The following KRT77 variants were observed in gnomAD, a reference collection of about 807,000 sequenced individuals.
KRT77 encodes the protein keratin 77.
In KRT77, 44 loss-of-function variants were observed where a neutral mutation model predicts 51.5. The ratio of observed to expected loss-of-function variants is 0.85; its 90% confidence interval spans 0.67 to 1.10. The LOEUF is 1.10. Among genes scored for constraint, KRT77 ranks in the 50% least tolerant of loss-of-function variants. KRT77 has a pLI of 0.00. For missense variants in KRT77, 763 were observed against 743.9 expected (o/e 1.03, Z -0.30); for synonymous variants, 293 against 302.0 (o/e 0.97, Z 0.31).
Position 52,701,688 on chromosome 12 carries a change from C to T in KRT77, c.543+1204G>A, listed in dbSNP as rs549404181. The stretch of plus-strand genomic sequence containing the variant: ...TGCTGGAGGGAGGTCTTCACCATGG[C>T]GAGTTCTCCAGCCTCTGCTGCTGCT... On this transcript the variant is annotated intron_variant, in intron 1 of 8. Transcript: ENST00000341809. 8.5e-5 allele frequency among the ~76,000 whole-genome samples: 13 copies of T among 152,306 alleles called. No homozygotes were observed. The South Asian group carries it at 2.1e-3, about 24-fold the overall frequency.
chr12:52,702,018 G>A (rs1196616195), intron 1 of KRT77, among the ~76,000 whole-genome samples: 1 of 152,056 alleles, frequency 6.6e-6, no homozygotes, highest in African/African-American at 2.4e-5. Flanking sequence ...ATGCCTCCTG[G>A]TCCTTCTGCC....
rs1941764563 is a variant in KRT77, at chr12:52,694,641, G to A, written c.1065C>T (p.Ala355=). The A allele has an allele frequency of 6.2e-7, 1 of 1,607,028 alleles. No individual in the cohort carries two copies. Residue 355 remains alanine, a synonymous_variant, in exon 5 of 9, where the codon GCC becomes GCT. Transcript: ENST00000341809. ...IAQRSKDEAE[A]LYQTKYQELQ... ...CCACGCCCACCTTGGTCTGGTACAG[G>A]GCTTCGGCCTCGTCCTTGCTCCTCT...
Position 52,697,833 on chromosome 12 carries a change from T to C in KRT77, c.607A>G (p.Asn203Asp). ...QTKWELLQQV[N>D]TSTGTNNLEP... ...AGGTTGTTGGTTCCAGTTGAGGTGT[T>C]CACCTGCTGCAGCAACTCCCATTTT... Residue 203 changes from asparagine to aspartate, a missense_variant, in exon 2 of 9, where the codon AAC becomes GAC. By Grantham distance (23) the Asn-to-Asp change is conservative. Coordinates refer to ENST00000341809, the MANE Select transcript of KRT77 (RefSeq NM_175078.3). 1 of 1,614,088 alleles carries C rather than the reference T, an allele frequency of 6.2e-7. No individual in the cohort carries two copies. The highest frequency in any genetic ancestry group is 8.5e-7 in the Non-Finnish European group (1 of 1,180,002).
chr12:52,694,700 C>G lies in KRT77; in HGVS notation c.1006G>C (p.Asp336His), dbSNP rs10783528. The G allele has an allele frequency of 1.9e-6, 3 of 1,613,358 alleles. No individual in the cohort carries two copies. Among genetic ancestry groups the G allele is most frequent in the Non-Finnish European group, 2.5e-6 (3 of 1,179,540 alleles). Reference sequence around the variant, plus strand: ...AGTTCATACTGGGTCCGCACTGCATCGATGATGCTGTCCAGGTCCAGGGAA... The same window carrying G: ...AGTTCATACTGGGTCCGCACTGCATGGATGATGCTGTCCAGGTCCAGGGAA... ...NRSLDLDSII[D>H]AVRTQYELIA... Residue 336 changes from aspartate to histidine, a missense_variant, in exon 5 of 9, where the codon GAT (aspartate) becomes CAT (histidine). Physicochemically the swap from Asp to His is moderately conservative, Grantham distance 81 (BLOSUM62 -1). Coordinates refer to ENST00000341809, the MANE Select transcript of KRT77 (RefSeq NM_175078.3).
At chr12:52,692,341 C>T in intron 7 of KRT77, 80 bp downstream of exon 7, 1 of 1,510,256 alleles carries the variant, frequency 6.6e-7, no homozygotes, top group South Asian at 1.2e-5. Flanking sequence ...TGGGGCTTAT[C>T]TTTTCTCCAA....
rs751887058 is a variant in KRT77 at position 52,692,432 on chromosome 12, G to A, written c.1416C>T (p.Gly472=). ...GCTGCCAGACCCACCTGCTCTCCTC[G>A]CCCTCCAGCAGCTGGCGGTAGGTGG... ...EIATYRQLLE[G]EESRMSGELQ... Residue 472 remains glycine, a synonymous_variant, in exon 7 of 9, where the codon GGC becomes GGT. Transcript: ENST00000341809. 22 of 1,613,654 alleles carry A rather than the reference G, an allele frequency of 1.4e-5. No homozygotes were observed. The highest frequency in any genetic ancestry group is 3.3e-4 in the Middle Eastern group (2 of 6,082).
rs150981240 is a variant in KRT77, at chr12:52,692,557, G to T, written c.1291C>A (p.Leu431Met). The T allele has an allele frequency of 5.6e-3, 7,862 of 1,409,024 alleles. 460 individuals are homozygous for T. Among genetic ancestry groups the T allele is most frequent in the South Asian group, 6.7e-3 (574 of 85,252 alleles). The allele number at this position is 1,409,024 out of a possible 1,614,324, so 87.3% of individuals were successfully genotyped here. ...TTGGACTGCTGCAGGGCCTCCTCCAGGTCCTGCAGCTTCTGCCACGCATCC... is the reference window on the plus strand; with the variant it reads ...TTGGACTGCTGCAGGGCCTCCTCCATGTCCTGCAGCTTCTGCCACGCATCC... The part of the protein sequence containing the change: ...LQDAWQKLQD[L>M]EEALQQSKEE... The change falls in exon 7 of 9, where the codon CTG (leucine) becomes ATG (methionine). Residue 431 changes from leucine to methionine, a missense_variant. Coordinates refer to ENST00000341809, the MANE Select transcript of KRT77 (RefSeq NM_175078.3).
rs768257564 is a variant in KRT77, at chr12:52,692,657, T to C, written c.1207-16A>G. ...TCTGTTCAATCTGCTCCAGAGACAG[T>C]TGGAGACCATTTAATGGTTAAGTTT... On this transcript the variant is annotated splice_polypyrimidine_tract_variant and intron_variant, in intron 6 of 8. Coordinates refer to ENST00000341809, the MANE Select transcript of KRT77 (RefSeq NM_175078.3). 5.1e-6 allele frequency: 8 copies of C among 1,572,942 alleles called. 1 individual carries two copies. Among genetic ancestry groups the C allele is most frequent in the South Asian group, 2.2e-5 (2 of 90,224 alleles).
At position 52,690,902 on chromosome 12, in the gene KRT77, G is replaced by A. The variant is rs528589470; in HGVS notation, c.*263C>T. The A allele has an allele frequency of 1.8e-6, 1 of 568,924 alleles. No individual in the cohort carries two copies. The highest frequency in any genetic ancestry group is 2.1e-5 in the South Asian group (1 of 47,652). The allele number at this position is 568,924 out of a possible 1,614,324, so 35.2% of individuals were successfully genotyped here. On this transcript the variant is annotated 3_prime_UTR_variant, in exon 9 of 9. Transcript: ENST00000341809. Reference sequence around the variant, plus strand: ...CGATCTTCCAAAAAGGTGGGAGCAGGAACAGCAGCAGGGCCAGCAGAGCGG... The same window carrying A: ...CGATCTTCCAAAAAGGTGGGAGCAGAAACAGCAGCAGGGCCAGCAGAGCGG...
At position 52,692,784 on chromosome 12, in the gene KRT77, G is replaced by A; in HGVS notation, c.1177C>T (p.Gln393Ter). Reference protein sequence around the residue: ...AELNRTVQRLQAEISNVKKQI... With the variant: ...AELNRTVQRL The stretch of plus-strand genomic sequence containing the variant: ...TTCTTCACGTTGCTGATCTCTGCCT[G>A]CAGCCTCTGGACGGTGCGGTTGAGC... Residue 393 changes from glutamine to a stop codon, truncating the protein, a stop_gained, in exon 6 of 9, where the codon CAG becomes TAG. Coordinates refer to ENST00000341809, the MANE Select transcript of KRT77 (RefSeq NM_175078.3). LOFTEE classifies it high-confidence loss of function. 6.2e-7 allele frequency: 1 copy of A among 1,604,374 alleles called. No homozygotes were observed. The highest frequency in any genetic ancestry group is 2.2e-5 in the East Asian group (1 of 44,862).
rs142147928 is a variant in KRT77, at chr12:52,697,701, C to A, written c.739G>T (p.Val247Leu). The part of the protein sequence containing the change: ...NAEVRSMQDV[V>L]EDYKSKYEDE... Reference sequence around the variant, plus strand: ...TCTCACTTGCTCTTGTAGTCCTCCACGACATCCTGCATGCTCCTGACCTCC... The same window carrying A: ...TCTCACTTGCTCTTGTAGTCCTCCAAGACATCCTGCATGCTCCTGACCTCC... Residue 247 changes from valine to leucine, a missense_variant, in exon 2 of 9, where the codon GTG (valine) becomes TTG (leucine). Val to Leu is a conservative substitution (Grantham distance 32). Coordinates refer to ENST00000341809, the MANE Select transcript of KRT77 (RefSeq NM_175078.3). The A allele has an allele frequency of 7.4e-6, 12 of 1,613,036 alleles. No individual in the cohort carries two copies. The African/African-American group carries it at 9.4e-5, about 13-fold the overall frequency.
intron 7 of KRT77, among the ~76,000 whole-genome samples, 173 bp downstream of exon 7, chr12:52,692,248 G>A (rs1204165117): frequency 1.3e-5 from 2 of 152,206 alleles, no homozygotes; most frequent in African/African-American, 2.4e-5. Context: ...CTCCCTATGT[G>A]AAGAGGCTTG....
At position 52,695,810 on chromosome 12, in the gene KRT77, T is replaced by C. The variant is rs1461175766; in HGVS notation, c.877A>G (p.Thr293Ala). ...VDLESRVDTL[T>A]GEVNFLKYLF... Reference sequence around the variant, plus strand: ...TATTTCAAGAAATTGACCTCCCCAGTCAGAGTGTCCACCCTGGACTCCAGG... The same window carrying C: ...TATTTCAAGAAATTGACCTCCCCAGCCAGAGTGTCCACCCTGGACTCCAGG... Residue 293 changes from threonine (T) to alanine (A), a missense_variant, in exon 4 of 9, where the codon ACT becomes GCT. Transcript: ENST00000341809. 2 of 1,613,994 alleles carry C rather than the reference T, an allele frequency of 1.2e-6. No individual in the cohort carries two copies.
At chr12:52,696,231 G>A (rs991677000) in intron 3 of KRT77, 139 bp downstream of exon 3, 7 of 739,580 alleles carry the variant, frequency 9.5e-6, no homozygotes, top group Non-Finnish European at 1.4e-5. Context: ...CAATGTAAGG[G>A]CCCCGCATTC....
chr12:52,703,327 A>G lies in KRT77; in HGVS notation c.108T>C (p.Ser36=), dbSNP rs764361500. ...CACACCTCCCTCGAGCATAACACAC[A>G]GAACCCACTGCCGGACTCCCACCAC... ...GSGGGSPAVG[S]VCYARGRCGG... is the part of the protein sequence containing the mutation. The change falls in exon 1 of 9, where the codon TCT becomes TCC. Residue 36 remains serine, a synonymous_variant. Coordinates refer to ENST00000341809, the MANE Select transcript of KRT77 (RefSeq NM_175078.3). 1 of 1,614,104 alleles carries G rather than the reference A, an allele frequency of 6.2e-7. No homozygotes were observed. Among genetic ancestry groups the G allele is most frequent in the South Asian group, 1.1e-5 (1 of 91,074 alleles).
At chr12:52,693,365 T>C (rs1203538727) in intron 5 of KRT77, 1 of 155,970 alleles carries the variant, frequency 6.4e-6, no homozygotes, top group African/African-American at 2.4e-5. Context: ...GTCTCTGTAT[T>C]GCCCCATTAG....
Position 52,691,364 on chromosome 12 carries a change from C to A in KRT77, c.1538G>T (p.Gly513Val), listed in dbSNP as rs750447369. The A allele has an allele frequency of 3.1e-6, 5 of 1,602,962 alleles. No individual in the cohort carries two copies. Among genetic ancestry groups the A allele is most frequent in the Admixed American group, 1.7e-5 (1 of 59,274 alleles). ...GGSYGSGGYG[G>V]GSGGGYGGGR... ...GCCGCCATAGCCCCCACCGCTGCCGCCGCCGTAGCCTCCTGAGCCGTAGCT... is the reference window on the plus strand; with the variant it reads ...GCCGCCATAGCCCCCACCGCTGCCGACGCCGTAGCCTCCTGAGCCGTAGCT... Residue 513 changes from glycine to valine, a missense_variant, in exon 9 of 9, where the codon GGC becomes GTC. Physicochemically the swap from Gly to Val is moderately radical, Grantham distance 109 (BLOSUM62 -3). Coordinates refer to ENST00000341809, the MANE Select transcript of KRT77 (RefSeq NM_175078.3).
intron 5 of KRT77, 34 bp downstream of exon 5, chr12:52,694,577 CTGGGAAGAATCTGTT>C (rs1247888628): frequency 6.6e-7 from 1 of 1,516,916 alleles, no homozygotes; most frequent in South Asian, 1.3e-5. Context: ...AAAGACAATT[CTGGGAAGAATCTGTT>C]TTTCTGGGCA....
rs545482953 is a variant in KRT77, at chr12:52,697,771, C to T, written c.669G>A (p.Arg223=). The T allele has an allele frequency of 1.1e-4, 174 of 1,614,092 alleles. 4 individuals carry two copies. In the South Asian group the frequency reaches 1.8e-3, roughly 17 times the overall value. Residue 223 remains arginine (R), a synonymous_variant, in exon 2 of 9, where the codon CGG becomes CGA. Transcript: ENST00000341809. ...PLLENYIGDL[R]RQVDLLSAEQ... The stretch of plus-strand genomic sequence containing the variant: ...CCGCACTGAGCAAATCCACCTGCCT[C>T]CGCAGGTCACCGATGTAGTTCTCCA...
Sources: allele counts gnomAD v4.1 joint callset (sites outside exome capture counted in the v4.1 genomes callset), GRCh38; gene constraint gnomAD v4.1.1; transcripts MANE v1.5; gene names NCBI Gene and HGNC (gene_info 2026-07-23, HGNC 2026-07-21).